Variants in SLC4A4 observed in about 807,000 individuals in gnomAD.
SLC4A4 encodes electrogenic sodium bicarbonate cotransporter 1.
A neutral mutation model predicts 111.5 loss-of-function variants in SLC4A4; 27 were observed. The observed-to-expected ratio is 0.24, with a 90% CI of 0.18 to 0.33. SLC4A4 has a LOEUF of 0.33. SLC4A4 is among the 10% of genes least tolerant of loss of function. SLC4A4 has a pLI of 1.00. For missense variants in SLC4A4, 909 were observed against 1,315.5 expected (o/e 0.69, Z 4.78); for synonymous variants, 443 against 463.4 (o/e 0.96, Z 0.57).
intron 17 of SLC4A4, among the ~76,000 whole-genome samples, chr4:71,532,864 A>G (rs1286589483): frequency 1.3e-5 from 2 of 152,180 alleles, no homozygotes; most frequent in Non-Finnish European, 2.9e-5. Context: ...TCATGCTATG[A>G]AACTACCTAC....
chr4:71,549,102 TGTACAGAGGGCTGTAAAAGA>T (rs1219842120), intron 20 of SLC4A4, among the ~76,000 whole-genome samples: 2 of 151,910 alleles, frequency 1.3e-5, no homozygotes, highest in Non-Finnish European at 2.9e-5. Flanking sequence ...TTTCTGACTA[TGTACAGAGGGCTGTAAAAGA>T]GTACAGAGCT....
At chr4:71,491,030 A>G (rs1375935115) in intron 15 of SLC4A4, among the ~76,000 whole-genome samples, 1 of 97,226 alleles carries the variant, frequency 1.0e-5, no homozygotes, top group East Asian at 2.3e-4. Flanking sequence ...TTTTAAAACT[A>G]TGATTTTTAT....
intron 6 of SLC4A4, among the ~76,000 whole-genome samples, chr4:71,391,441 CT>C (rs1719253153): frequency 6.6e-6 from 1 of 151,994 alleles, no homozygotes; most frequent in Non-Finnish European, 1.5e-5. Flanking sequence ...CTCCTCACCC[CT>C]TTTTATTGTA....
chr4:71,214,175 G>T (rs1718292159), intron 1 of SLC4A4, among the ~76,000 whole-genome samples: 1 of 152,162 alleles, frequency 6.6e-6, no homozygotes, highest in African/African-American at 2.4e-5. Context: ...GTACCGAGGG[G>T]TATAGAAGTG....
At chr4:71,385,028 T>C (rs1446637990) in intron 6 of SLC4A4, among the ~76,000 whole-genome samples, 2 of 151,122 alleles carry the variant, frequency 1.3e-5, no homozygotes, top group Admixed American at 6.6e-5. Flanking sequence ...AAAAGTATAA[T>C]AATAAAAAAT....
chr4:71,496,755 C>G (rs1291867345), intron 15 of SLC4A4, among the ~76,000 whole-genome samples: 1 of 151,918 alleles, frequency 6.6e-6, no homozygotes, highest in Non-Finnish European at 1.5e-5. Context: ...AGCACTGACC[C>G]CACAACAGCC....
intron 14 of SLC4A4, among the ~76,000 whole-genome samples, chr4:71,476,970 A>G (rs1560542347): frequency 6.6e-6 from 1 of 151,794 alleles, no homozygotes; most frequent in Non-Finnish European, 1.5e-5. Context: ...CAGAGTGTGT[A>G]AGAAAAACGA....
chr4:71,088,591 G>T (rs1321343536), intron 1 of SLC4A4, among the ~76,000 whole-genome samples: 1 of 151,950 alleles, frequency 6.6e-6, no homozygotes, highest in Non-Finnish European at 1.5e-5. Context: ...CTCTTTTTGG[G>T]CAGACTTGGT....
chr4:71,474,341 T>C (rs908883487), intron 14 of SLC4A4, among the ~76,000 whole-genome samples: 2 of 151,910 alleles, frequency 1.3e-5, no homozygotes, highest in Non-Finnish European at 2.9e-5. Context: ...CAATATCCAC[T>C]GCGACTTACA....
chr4:71,508,420 A>C (rs1265695357), intron 16 of SLC4A4, among the ~76,000 whole-genome samples: 1 of 152,292 alleles, frequency 6.6e-6, no homozygotes, highest in Non-Finnish European at 1.5e-5. Flanking sequence ...AACTGACCCC[A>C]CTGAAATACA....
chr4:71,171,188 G>C (rs992718801), intron 2 of SLC4A4, among the ~76,000 whole-genome samples: 7 of 151,912 alleles, frequency 4.6e-5, no homozygotes, highest in Admixed American at 4.6e-4. Context: ...AGAATGGTGG[G>C]AGGTTCATCA....
upstream of SLC4A4, chr4:71,187,137 G>A (rs1344613339): frequency 6.6e-6 from 1 of 152,010 alleles, no homozygotes; most frequent in Non-Finnish European, 1.5e-5. Context: ...TGACTACTTG[G>A]GCGCGGGTGA....
chr4:71,072,073 T>C (rs919355519), intron 1 of SLC4A4, among the ~76,000 whole-genome samples: 7 of 152,202 alleles, frequency 4.6e-5, no homozygotes, highest in African/African-American at 1.4e-4. Context: ...CCTTTTGCCA[T>C]GTGAAATTTT....
At position 71,331,731 on chromosome 4, in the gene SLC4A4, A is replaced by AG. The variant is rs200382106; in HGVS notation, c.254-7639_254-7638insG. ...TGTACCCTAGGACTTAAAGTATTGAAAAAAAAAAAAAAAGAAATGGTTTGG... is the reference window on the plus strand; with the variant it reads ...TGTACCCTAGGACTTAAAGTATTGAAGAAAAAAAAAAAAAGAAATGGTTTGG... On this transcript the variant is annotated intron_variant, in intron 3 of 25. Coordinates refer to ENST00000264485, the MANE Select transcript of SLC4A4 (RefSeq NM_001098484.3). Among the ~76,000 whole-genome samples, 1,072 of 144,362 alleles carry AG rather than the reference A, an allele frequency of 7.4e-3. 11 individuals are homozygous for AG. The highest frequency in any genetic ancestry group is 0.025 in the African/African-American group (945 of 37,066). The allele number at this position is 144,362 out of a possible 152,430, so 94.7% of individuals were successfully genotyped here.
At chr4:71,452,348 T>G (rs1388576184) in intron 11 of SLC4A4, among the ~76,000 whole-genome samples, 1 of 152,172 alleles carries the variant, frequency 6.6e-6, no homozygotes, top group Non-Finnish European at 1.5e-5. Flanking sequence ...TTTACAGACA[T>G]GAGTTCTGGG....
intron 20 of SLC4A4, among the ~76,000 whole-genome samples, chr4:71,552,647 T>A (rs1457669895): frequency 1.3e-5 from 2 of 151,794 alleles, no homozygotes; most frequent in Non-Finnish European, 2.9e-5. Context: ...TCCATCTGCT[T>A]GTAGGGTCAA....
chr4:71,529,827 G>C lies in SLC4A4; in HGVS notation c.2167-2235G>C, dbSNP rs145132381. Among the ~76,000 whole-genome samples the C allele has an allele frequency of 9.9e-5, 15 of 152,206 alleles. No homozygotes were observed. In the East Asian group the frequency reaches 2.9e-3, roughly 29 times the overall value. ...TGTTGCCCACTAGTTGCATTTTCTA[G>C]GTGAGGATTGTAAGGGTGGTAAATA... On this transcript the variant is annotated intron_variant, in intron 16 of 25. Coordinates refer to ENST00000264485, the MANE Select transcript of SLC4A4 (RefSeq NM_001098484.3).
chr4:71,082,299 A>G (rs1742014478), intron 1 of SLC4A4, among the ~76,000 whole-genome samples: 1 of 151,600 alleles, frequency 6.6e-6, no homozygotes. Context: ...AGCCAGTTAT[A>G]TAGTTCAAGT....
chr4:71,383,271 C>T (rs912993295), intron 6 of SLC4A4, among the ~76,000 whole-genome samples: 3 of 152,120 alleles, frequency 2.0e-5, no homozygotes, highest in African/African-American at 4.8e-5. Context: ...GATGTATATA[C>T]ATAAGTAAGC....
Sources: gnomAD v4.1 joint callset for allele counts (sites outside exome capture counted in the v4.1 genomes callset) on GRCh38, gnomAD v4.1.1 for gene constraint, MANE v1.5 for transcripts, NCBI Gene and HGNC (gene_info 2026-07-23, HGNC 2026-07-21) for gene names.